Variants in FBN1 observed in about 807,000 individuals in gnomAD.
FBN1 encodes fibrillin-1.
FBN1 carries 29 observed loss-of-function variants against 365.1 expected under a neutral mutation model. The observed-to-expected ratio is 0.08, with a 90% confidence interval of 0.06 to 0.11. The LOEUF is 0.11. Ranked by LOEUF, FBN1 falls within the 10% of genes least tolerant of loss-of-function variation. The probability of loss-of-function intolerance (pLI) is 1.00; values close to 1 mark genes in which losing one functional copy is unlikely to be tolerated. For synonymous variants in FBN1, 1,210 were observed against 1,270.5 expected, an observed-to-expected ratio of 0.95 and a Z score of 1.01; for missense variants, 2,476 against 3,703.2, an observed-to-expected ratio of 0.67 and a Z score of 8.60.
At chr15:48,491,444 G>A (rs773555133) in intron 24 of FBN1, among the ~76,000 whole-genome samples, 1 of 151,516 alleles carries the variant, frequency 6.6e-6, no homozygotes, top group Non-Finnish European at 1.5e-5. Context: ...TCCAACTCCC[G>A]GGTTCATGCC....
At chr15:48,626,619 A>G (rs1889887014) in intron 2 of FBN1, among the ~76,000 whole-genome samples, 2 of 152,232 alleles carry the variant, frequency 1.3e-5, no homozygotes, top group Admixed American at 6.5e-5. Flanking sequence ...GTTTCTATAA[A>G]GTCAGAGGAA....
At chr15:48,555,847 G>C (rs2044175742) in intron 6 of FBN1, among the ~76,000 whole-genome samples, 1 of 152,118 alleles carries the variant, frequency 6.6e-6, no homozygotes, top group South Asian at 2.1e-4. Context: ...CAACTCAGCA[G>C]GTTATCAGAA....
intron 10 of FBN1, 100 bp downstream of exon 10, chr15:48,520,559 C>G: frequency 7.2e-7 from 1 of 1,391,506 alleles, no homozygotes; most frequent in Non-Finnish European, 1.0e-6. Flanking sequence ...GGAGACTACT[C>G]ATTTACCCAA....
chr15:48,597,372 T>A (rs1472286246), intron 5 of FBN1, among the ~76,000 whole-genome samples: 1 of 152,228 alleles, frequency 6.6e-6, no homozygotes, highest in Admixed American at 6.5e-5. Flanking sequence ...ATTAGGATAC[T>A]AAAGCCTGGC....
chr15:48,540,618 T>TA (rs1395688032), intron 6 of FBN1, among the ~76,000 whole-genome samples: 1 of 152,106 alleles, frequency 6.6e-6, no homozygotes, highest in Non-Finnish European at 1.5e-5. Flanking sequence ...CTTTTCAGGA[T>TA]AAAAACAGTC....
intron 36 of FBN1, 70 bp downstream of exon 36, chr15:48,470,564 C>T: frequency 6.2e-7 from 1 of 1,606,482 alleles, no homozygotes; most frequent in Non-Finnish European, 8.5e-7. Context: ...TGTGTAGTCC[C>T]AGGGAGGCTC....
In FBN1 at chr15:48,454,943, T is replaced by C. The variant is rs74603546; in HGVS notation, c.5422+1694A>G. Among the ~76,000 whole-genome samples, 1,122 of 152,264 alleles carry C rather than the reference T, an allele frequency of 7.4e-3. 12 individuals are homozygous for C. Among genetic ancestry groups the C allele is most frequent in the African/African-American group, 0.026 (1,066 of 41,552 alleles). ...GATGTATAGAAACACAGGGGGCAGA[T>C]TGCGCCACTGGAGAAACTGAGTAGT... On this transcript the variant is annotated intron_variant, in intron 44 of 65. Coordinates refer to ENST00000316623, the MANE Select transcript of FBN1 (RefSeq NM_000138.5).
At chr15:48,498,819 T>C (rs1265031152) in intron 18 of FBN1, among the ~76,000 whole-genome samples, 166 bp downstream of exon 18, 1 of 152,182 alleles carries the variant, frequency 6.6e-6, no homozygotes, top group Non-Finnish European at 1.5e-5. Flanking sequence ...GTGCCCCGGC[T>C]GCTCTGCCAC....
intron 10 of FBN1, among the ~76,000 whole-genome samples, chr15:48,517,992 T>G (rs1249962211): frequency 6.6e-6 from 1 of 152,234 alleles, no homozygotes; most frequent in Admixed American, 6.5e-5. Flanking sequence ...TACTTTCTGG[T>G]CCATTTCTAA....
chr15:48,449,091 C>T (rs1344385516), intron 45 of FBN1, among the ~76,000 whole-genome samples, 198 bp from the exon 46 acceptor site: 1 of 151,914 alleles, frequency 6.6e-6, no homozygotes, highest in East Asian at 1.9e-4. Flanking sequence ...CAATACTTGA[C>T]ACAATAAAAA....
At chr15:48,521,227 T>C (rs1303066088) in intron 9 of FBN1, among the ~76,000 whole-genome samples, 4 of 152,246 alleles carry the variant, frequency 2.6e-5, no homozygotes, top group African/African-American at 4.8e-5. Context: ...TAGGAAAATA[T>C]GTAAATCTAT....
chr15:48,560,762 T>C (rs2044217017), intron 6 of FBN1, among the ~76,000 whole-genome samples: 1 of 152,154 alleles, frequency 6.6e-6, no homozygotes, highest in Non-Finnish European at 1.5e-5. Flanking sequence ...AAATAGCTCA[T>C]ATACTCAAGG....
chr15:48,476,492 A>G (rs2141281916), intron 32 of FBN1, among the ~76,000 whole-genome samples: 2 of 152,210 alleles, frequency 1.3e-5, no homozygotes, highest in African/African-American at 4.8e-5. Flanking sequence ...GTTGGGCCCT[A>G]CAAGTCAGTG....
chr15:48,540,308 GATT>G (rs756777287), intron 6 of FBN1, among the ~76,000 whole-genome samples: 2 of 152,030 alleles, frequency 1.3e-5, no homozygotes, highest in Non-Finnish European at 2.9e-5. Context: ...ATAACGTATT[GATT>G]ATATTATCGT....
At chr15:48,489,068 G>T (rs916547598) in intron 25 of FBN1, among the ~76,000 whole-genome samples, 3 of 151,884 alleles carry the variant, frequency 2.0e-5, no homozygotes, top group African/African-American at 7.3e-5. Context: ...GACAGGATCT[G>T]CTCTGTCATC....
At chr15:48,638,652 T>A (rs1294366993) in intron 2 of FBN1, among the ~76,000 whole-genome samples, 1 of 151,900 alleles carries the variant, frequency 6.6e-6, no homozygotes, top group African/African-American at 2.4e-5. Flanking sequence ...TGGCTGCAAT[T>A]TAATGTAAAA....
chr15:48,475,992 C>G (rs2141281453), intron 32 of FBN1, among the ~76,000 whole-genome samples: 1 of 152,296 alleles, frequency 6.6e-6, no homozygotes, highest in East Asian at 1.9e-4. Context: ...CCTTGGCAGC[C>G]ACATGGACCT....
chr15:48,422,260 C>A (rs1026202492), intron 60 of FBN1, among the ~76,000 whole-genome samples, 192 bp from the exon 61 acceptor site: 2 of 152,120 alleles, frequency 1.3e-5, no homozygotes, highest in Non-Finnish European at 2.9e-5. Context: ...TCAATTTAGA[C>A]CCTCCTCCCC....
rs56011718 is a variant in FBN1 at position 48,494,063 on chromosome 15, C to T, written c.2728+141G>A. 5.7e-6 allele frequency: 4 copies of T among 706,456 alleles called. No homozygotes were observed. The Admixed American group carries it at 6.3e-5, about 11-fold the overall frequency. 43.8% of individuals were successfully genotyped at this position (706,456 alleles called of 1,614,324 possible). A position where few individuals can be genotyped will look rare whatever the true frequency, so the allele number is the denominator to read the frequency against. ...TATGCTTGTGAAATTAACAGCTGTTCCGTTTTGTAGTTCTCATTATTTTTT... is the reference window on the plus strand; with the variant it reads ...TATGCTTGTGAAATTAACAGCTGTTTCGTTTTGTAGTTCTCATTATTTTTT... On this transcript the variant is annotated intron_variant, in intron 23 of 65. Coordinates refer to ENST00000316623, the MANE Select transcript of FBN1 (RefSeq NM_000138.5).
Sources: gnomAD v4.1 joint callset for allele counts (sites outside exome capture counted in the v4.1 genomes callset) on GRCh38, gnomAD v4.1.1 for gene constraint, MANE v1.5 for transcripts, NCBI Gene and HGNC (gene_info 2026-07-23, HGNC 2026-07-21) for gene names.